Variants in SPARCL1 observed in about 807,000 individuals in gnomAD.
SPARCL1 encodes the protein SPARC-like protein 1.
A neutral mutation model predicts 67.1 loss-of-function variants in SPARCL1; 52 were observed. That is an observed-to-expected ratio of 0.78 (90% CI 0.62 to 0.98). SPARCL1 has a LOEUF of 0.98. Among genes scored for constraint, SPARCL1 ranks in the 50% least tolerant of loss-of-function variants. The pLI, the probability that SPARCL1 is intolerant of heterozygous loss-of-function variation, is 0.00. For synonymous variants in SPARCL1, 226 were observed against 267.8 expected, an observed-to-expected ratio of 0.84 and a Z score of 1.52; for missense variants, 717 against 782.4, an observed-to-expected ratio of 0.92 and a Z score of 1.00.
At position 87,490,327 on chromosome 4, in the gene SPARCL1, C is replaced by T. The variant is rs1578099642; in HGVS notation, c.1477G>A (p.Glu493Lys). The T allele has an allele frequency of 1.2e-6, 2 of 1,613,334 alleles. No homozygotes were observed. The highest frequency in any genetic ancestry group is 1.7e-6 in the Non-Finnish European group (2 of 1,179,648). The change falls in exon 7 of 11, where the codon GAG (glutamate) becomes AAG (lysine). Residue 493 changes from glutamate (E) to lysine (K), a missense_variant. Glu to Lys is a moderately conservative substitution (Grantham distance 56). Transcript: ENST00000282470. The stretch of plus-strand genomic sequence containing the variant: ...AGTTGATGCCCCTTTTTGGTCCCCT[C>T]CAGTCTGCATTTAGTAGCGAATAGA... ...CHLFATKCRL[E>K]GTKKGHQLQL... is the part of the protein sequence containing the mutation.
In SPARCL1 at chr4:87,490,354, G is replaced by A; in HGVS notation, c.1450C>T (p.His484Tyr). ...TDNQTYASSC[H>Y]LFATKCRLEG... ...AGTCTGCATTTAGTAGCGAATAGAT[G>A]ACAGGAACTAGCATAGGTCTGATTG... The change falls in exon 7 of 11, where the codon CAT becomes TAT. Residue 484 changes from histidine to tyrosine, a missense_variant. Physicochemically the swap from His to Tyr is moderately conservative, Grantham distance 83. Transcript: ENST00000282470. The A allele has an allele frequency of 6.2e-7, 1 of 1,613,364 alleles. No individual in the cohort carries two copies. Among genetic ancestry groups the A allele is most frequent in the Middle Eastern group, 1.7e-4 (1 of 6,052 alleles).
Position 87,525,052 on chromosome 4 carries a change from A to G in SPARCL1, c.-12+3993T>C, listed in dbSNP as rs1725984454. Among the ~76,000 whole-genome samples, 4 of 152,014 alleles carry G rather than the reference A, an allele frequency of 2.6e-5. No homozygotes were observed. In the South Asian group the frequency reaches 6.3e-4, roughly 24 times the overall value. On this transcript the variant is annotated intron_variant, in intron 1 of 10. Transcript: ENST00000282470. ...GTAGTACATGCCTGTAGTCCCAGCT[A>G]CTCAGGAGGCTGAGGCACAAGAATC...
Position 87,495,129 on chromosome 4 carries a change from TGA to T in SPARCL1, c.55-4_55-3del. 1.3e-6 allele frequency: 2 copies of T among 1,597,768 alleles called. No individual in the cohort carries two copies. Among genetic ancestry groups the T allele is most frequent in the Non-Finnish European group, 8.5e-7 (1 of 1,176,656 alleles). On this transcript the variant is annotated splice_polypyrimidine_tract_variant and splice_region_variant and intron_variant, in intron 2 of 10. Transcript: ENST00000282470. ...ATCAGATAATAATCTTGCATTTGTC[TGA>T]AAAAATTAAAAACTGGTTTTTGTTA...
At chr4:87,501,812 T>G (rs913687048) in intron 1 of SPARCL1, among the ~76,000 whole-genome samples, 28 of 152,102 alleles carry the variant, frequency 1.8e-4, no homozygotes, top group African/African-American at 6.8e-4. Flanking sequence ...TTTTTGCCCT[T>G]CTATTTTTTG....
chr4:87,494,520 C>G lies in SPARCL1; in HGVS notation c.280G>C (p.Glu94Gln). 1 of 1,614,142 alleles carries G rather than the reference C, an allele frequency of 6.2e-7. No individual in the cohort carries two copies. The highest frequency in any genetic ancestry group is 8.5e-7 in the Non-Finnish European group (1 of 1,180,008). ...SAEQGKSSSQ[E>Q]LGLKDQEDSD... ...TCCTCTTGATCCTTCAATCCCAGCT[C>G]TTGGCTAGAACTCTTGCCCTGTTCT... The change falls in exon 4 of 11, where the codon GAG becomes CAG. Residue 94 changes from glutamate to glutamine, a missense_variant. Physicochemically the swap from Glu to Gln is conservative, Grantham distance 29. Transcript: ENST00000282470.
In SPARCL1 at chr4:87,494,391, T is replaced by C. The variant is rs1724523176; in HGVS notation, c.409A>G (p.Asn137Asp). ...ACACCAGGAGCCAAAAAATCAGTGT[T>C]CTCTGAGAGTTTTTTCTCCTGAGGC... ...SEPQEKKLSE[N>D]TDFLAPGVSS... Residue 137 changes from asparagine (N) to aspartate (D), a missense_variant, in exon 4 of 11, where the codon AAC becomes GAC. Transcript: ENST00000282470. 2 of 1,614,014 alleles carry C rather than the reference T, an allele frequency of 1.2e-6. No individual in the cohort carries two copies. The highest frequency in any genetic ancestry group is 3.3e-5 in the Admixed American group (2 of 59,992).
At chr4:87,501,273 C>T (rs1250590656) in intron 1 of SPARCL1, among the ~76,000 whole-genome samples, 2 of 152,064 alleles carry the variant, frequency 1.3e-5, no homozygotes, top group African/African-American at 4.8e-5. Flanking sequence ...GTCACCACGC[C>T]CTGGTAATCC....
chr4:87,523,790 C>G (rs1725921410), intron 1 of SPARCL1, among the ~76,000 whole-genome samples: 1 of 152,148 alleles, frequency 6.6e-6, no homozygotes, highest in Admixed American at 6.5e-5. Flanking sequence ...CCCAAGTGTA[C>G]ATTACAATAT....
intron 8 of SPARCL1, among the ~76,000 whole-genome samples, chr4:87,481,334 G>C (rs1328974627): frequency 6.6e-6 from 1 of 152,138 alleles, no homozygotes; most frequent in African/African-American, 2.4e-5. Context: ...ATTTCCAGAA[G>C]CGTGCAAACA....
intron 2 of SPARCL1, among the ~76,000 whole-genome samples, chr4:87,498,674 A>T (rs1382489002): frequency 1.3e-5 from 2 of 152,220 alleles, no homozygotes; most frequent in African/African-American, 4.8e-5. Flanking sequence ...CATGAAGAAG[A>T]GAATATTCTA....
rs1723712988 is a variant in SPARCL1 at position 87,479,442 on chromosome 4, C to A, written c.1954G>T (p.Gly652Ter). The change falls in exon 10 of 11, where the codon GGA becomes TGA. Residue 652 changes from glycine to a stop codon, truncating the protein, a stop_gained. Coordinates refer to ENST00000282470, the MANE Select transcript of SPARCL1 (RefSeq NM_004684.6). LOFTEE classifies it high-confidence loss of function. ...ITLKEWGHCF[G>*]IKEEDIDENL... ...GTGATGAATTTACCTTCTTTAATTC[C>A]AAAGCAGTGGCCCCACTCCTTCAGG... 3.7e-6 allele frequency: 6 copies of A among 1,612,886 alleles called. No homozygotes were observed. Among genetic ancestry groups the A allele is most frequent in the Non-Finnish European group, 5.1e-6 (6 of 1,179,828 alleles).
At chr4:87,491,007 G>A (rs901935379) in intron 5 of SPARCL1, 129 bp from the exon 6 acceptor site, 9 of 561,492 alleles carry the variant, frequency 1.6e-5, no homozygotes, top group Non-Finnish European at 2.5e-5. Flanking sequence ...TGCAAATTTG[G>A]AAGTGGGAAG....
At chr4:87,484,569 C>T (rs938643708) in intron 7 of SPARCL1, among the ~76,000 whole-genome samples, 2 of 152,108 alleles carry the variant, frequency 1.3e-5, no homozygotes, top group Non-Finnish European at 2.9e-5. Flanking sequence ...TATATGGGCT[C>T]TTTTTTGGTT....
intron 1 of SPARCL1, among the ~76,000 whole-genome samples, chr4:87,520,200 A>G (rs1725749981): frequency 1.4e-5 from 2 of 141,644 alleles, no homozygotes; most frequent in Non-Finnish European, 3.0e-5. Context: ...AGATTGCACC[A>G]CTGCACACTG....
rs765817456 is a variant in SPARCL1 at position 87,480,456 on chromosome 4, A to G, written c.1733T>C (p.Leu578Ser). ...LAGDHPIDLLLRDFKKNYHMY... is the reference protein window; with the variant it reads ...LAGDHPIDLLSRDFKKNYHMY... ...GTGGTAGTTTTTCTTAAAGTCCCTT[A>G]AGAGAAGATCAATGGGATGGTCCCC... Residue 578 changes from leucine to serine, a missense_variant, in exon 9 of 11, where the codon TTA becomes TCA. Transcript: ENST00000282470. 2 of 1,613,554 alleles carry G rather than the reference A, an allele frequency of 1.2e-6. No individual in the cohort carries two copies. Among genetic ancestry groups the G allele is most frequent in the South Asian group, 2.2e-5 (2 of 90,924 alleles).
At chr4:87,493,431 G>T in intron 4 of SPARCL1, 151 bp downstream of exon 4, 1 of 619,934 alleles carries the variant, frequency 1.6e-6, no homozygotes, top group Non-Finnish European at 2.6e-6. Context: ...CCTAATGATA[G>T]AGATAGACCT....
Position 87,511,575 on chromosome 4 carries a change from A to G in SPARCL1, c.-11-11990T>C, listed in dbSNP as rs575917178. Among the ~76,000 whole-genome samples, 25 of 152,330 alleles carry G rather than the reference A, an allele frequency of 1.6e-4. No homozygotes were observed. In the South Asian group the frequency reaches 5.2e-3, roughly 32 times the overall value. ...AGAACCCTGGGGAGTGAAGATCATT[A>G]GGCACCATCAGAGGATGGGAAGAGC... On this transcript the variant is annotated intron_variant, in intron 1 of 10. Coordinates refer to ENST00000282470, the MANE Select transcript of SPARCL1 (RefSeq NM_004684.6).
chr4:87,528,452 A>C (rs1048346943), intron 1 of SPARCL1: 1 of 152,216 alleles, frequency 6.6e-6, no homozygotes, highest in East Asian at 1.9e-4. Flanking sequence ...GCAAAAAATA[A>C]TTAGTTATAA....
At chr4:87,492,101 G>C (rs1435300824) in intron 4 of SPARCL1, among the ~76,000 whole-genome samples, 1 of 151,846 alleles carries the variant, frequency 6.6e-6, no homozygotes, top group Admixed American at 6.6e-5. Flanking sequence ...CTAGGAGACA[G>C]AGCAAGACTC....
Sources: gnomAD v4.1 joint callset for allele counts (sites outside exome capture counted in the v4.1 genomes callset) on GRCh38, gnomAD v4.1.1 for gene constraint, MANE v1.5 for transcripts, NCBI Gene and HGNC (gene_info 2026-07-23, HGNC 2026-07-21) for gene names.